CCNB3: variants seen among roughly 807,000 people sequenced by gnomAD.
The protein encoded by CCNB3 is cyclin B3.
CCNB3 carries 12 observed loss-of-function variants against 68.0 expected under a neutral mutation model. That is an observed-to-expected ratio of 0.18 (90% confidence interval 0.11 to 0.29). The LOEUF is 0.29. Ranked by LOEUF, CCNB3 falls within the 10% of genes least tolerant of loss-of-function variation. The pLI is 1.00. For missense variants in CCNB3, 904 were observed against 993.1 expected (o/e 0.91, Z 1.21); for synonymous variants, 354 against 388.9 (o/e 0.91, Z 1.06).
chrX:50,318,427 C>T (rs1421710599), intron 8 of CCNB3, among the ~76,000 whole-genome samples: 1 of 110,617 alleles, frequency 9.0e-6, no homozygotes, highest in Non-Finnish European at 1.9e-5. Context: ...GCAGGAGAAT[C>T]GCTTGAACCT....
chrX:50,212,898 T>A (rs1377311364), intron 1 of CCNB3, among the ~76,000 whole-genome samples: 2 of 111,544 alleles, frequency 1.8e-5, no homozygotes, highest in Non-Finnish European at 3.8e-5. Context: ...GGGTTTTTAT[T>A]GAGGACTGGT....
intron 1 of CCNB3, among the ~76,000 whole-genome samples, chrX:50,221,222 C>T (rs950788065): frequency 0.029 from 3,243 of 111,016 alleles, 110 homozygotes; most frequent in African/African-American, 0.099. Flanking sequence ...TTCAAAAAAC[C>T]AGCTCCTGTA....
At chrX:50,210,411 G>T (rs1935464340) in intron 1 of CCNB3, among the ~76,000 whole-genome samples, 1 of 111,680 alleles carries the variant, frequency 9.0e-6, no homozygotes, top group Non-Finnish European at 1.9e-5. Context: ...AATTTTTTTT[G>T]TTGTTGTTGA....
intron 9 of CCNB3, 103 bp downstream of exon 9, chrX:50,342,442 A>C: frequency 1.1e-6 from 1 of 876,866 alleles, no homozygotes. Flanking sequence ...CTGCATAACA[A>C]TGTTTTGGTC....
intron 9 of CCNB3, among the ~76,000 whole-genome samples, chrX:50,344,822 A>G (rs1923317855): frequency 9.0e-6 from 1 of 111,625 alleles, no homozygotes; most frequent in Non-Finnish European, 1.9e-5. Flanking sequence ...ACCATAATCC[A>G]TCTAACTAAC....
intron 1 of CCNB3, among the ~76,000 whole-genome samples, chrX:50,217,373 C>T (rs1481436572): frequency 3.8e-5 from 4 of 104,619 alleles, no homozygotes; most frequent in Non-Finnish European, 5.8e-5. Flanking sequence ...TCCCAGTTCG[C>T]GCCATTCTCC....
At chrX:50,226,770 G>A in intron 1 of CCNB3, among the ~76,000 whole-genome samples, 1 of 76,171 alleles carries the variant, frequency 1.3e-5, no homozygotes, top group East Asian at 3.7e-4. Flanking sequence ...TATGTACATA[G>A]AATATATATA....
chrX:50,214,475 C>CATATATATATATATTATAT (rs1935531432), intron 1 of CCNB3, among the ~76,000 whole-genome samples: 1 of 9,467 alleles, frequency 1.1e-4, no homozygotes, highest in African/African-American at 1.5e-4. Context: ...AGCTGTGGCC[C>CATATATATATATATTATAT]ATATATATAT....
intron 5 of CCNB3, among the ~76,000 whole-genome samples, chrX:50,295,284 G>A (rs1936432375): frequency 9.0e-6 from 1 of 111,714 alleles, no homozygotes; most frequent in South Asian, 3.8e-4. Context: ...GTTTGAGCTA[G>A]TCTGTGCTTT....
At chrX:50,226,943 T>G (rs1238906071) in intron 1 of CCNB3, among the ~76,000 whole-genome samples, 1 of 75,433 alleles carries the variant, frequency 1.3e-5, no homozygotes, top group Non-Finnish European at 2.3e-5. Context: ...AGTATATATA[T>G]AGAATATATA....
At chrX:50,314,140 T>C (rs1267631359) in intron 8 of CCNB3, among the ~76,000 whole-genome samples, 192 bp downstream of exon 8, 1 of 112,635 alleles carries the variant, frequency 8.9e-6, no homozygotes, top group Non-Finnish European at 1.9e-5. Flanking sequence ...AAGTAGAATA[T>C]ACTAAGTGCT....
At chrX:50,217,372 G>A (rs957387328) in intron 1 of CCNB3, among the ~76,000 whole-genome samples, 2,329 of 100,037 alleles carry the variant, frequency 0.023, 63 homozygotes, top group African/African-American at 0.082. Context: ...CTCCCAGTTC[G>A]CGCCATTCTC....
At chrX:50,213,145 G>T (rs1715379017) in intron 1 of CCNB3, among the ~76,000 whole-genome samples, 1 of 112,042 alleles carries the variant, frequency 8.9e-6, no homozygotes. Context: ...GATTTTGATA[G>T]GGATTGTCTT....
At chrX:50,341,651 A>G (rs1557219649) in intron 8 of CCNB3, 1 of 110,887 alleles carries the variant, frequency 9.0e-6, no homozygotes, top group East Asian at 2.8e-4. Context: ...ATGAAATCAG[A>G]AAAGAAAAAG....
chrX:50,294,761 T>C (rs1936417296), intron 4 of CCNB3, 102 bp from the exon 5 acceptor site: 1 of 994,644 alleles, frequency 1.0e-6, no homozygotes, highest in South Asian at 2.4e-5. Context: ...CTTATGTGGG[T>C]CAGGACTTTC....
intron 1 of CCNB3, among the ~76,000 whole-genome samples, chrX:50,214,760 G>A (rs1482087080): frequency 9.6e-6 from 1 of 103,656 alleles, no homozygotes; most frequent in Non-Finnish European, 2.0e-5. Context: ...ATGTCCCTAC[G>A]TTGCTCAGGG....
At chrX:50,351,541 T>C in intron 12 of CCNB3, 66 bp from the exon 13 acceptor site, 1 of 1,076,554 alleles carries the variant, frequency 9.3e-7, no homozygotes, top group Non-Finnish European at 1.3e-6. Context: ...TATGTCCCAC[T>C]TGTTCCATAG....
chrX:50,281,923 T>A (rs752273921), intron 1 of CCNB3, among the ~76,000 whole-genome samples: 12 of 110,817 alleles, frequency 1.1e-4, no homozygotes, highest in Non-Finnish European at 2.3e-4. Flanking sequence ...CTCTTTTCTG[T>A]TCCCACCGGC....
intron 8 of CCNB3, among the ~76,000 whole-genome samples, chrX:50,333,719 G>C (rs143255034): frequency 3.6e-5 from 4 of 110,790 alleles, no homozygotes; most frequent in African/African-American, 1.3e-4. Context: ...GAATAGGTAG[G>C]TACCAGGTCA....
Sources: allele counts gnomAD v4.1 joint callset (sites outside exome capture counted in the v4.1 genomes callset), GRCh38; gene constraint gnomAD v4.1.1; transcripts MANE v1.5; gene names NCBI Gene and HGNC (gene_info 2026-07-23, HGNC 2026-07-21).